Variants in IQSEC1 observed in about 807,000 individuals in gnomAD.
IQSEC1 encodes IQ motif and SEC7 domain-containing protein 1.
A neutral mutation model predicts 91.0 loss-of-function variants in IQSEC1; 31 were observed. The observed-to-expected ratio is 0.34, with a 90% CI of 0.26 to 0.46. IQSEC1 has a LOEUF of 0.46. Among genes scored for constraint, IQSEC1 ranks in the 20% least tolerant of loss-of-function variants. IQSEC1 has a pLI of 1.00. For missense variants in IQSEC1, 1,388 were observed against 1,575.6 expected (o/e 0.88, Z 2.02); for synonymous variants, 699 against 662.6 (o/e 1.05, Z -0.84).
In IQSEC1 at chr3:13,202,122, T is replaced by C. The variant is rs199933514; in HGVS notation, c.273-37989A>G. Among the ~76,000 whole-genome samples the C allele has an allele frequency of 8.5e-5, 13 of 152,316 alleles. No individual in the cohort carries two copies. The East Asian group carries it at 2.1e-3, about 25-fold the overall frequency. The stretch of plus-strand genomic sequence containing the variant: ...AGTCTGTGCTGGCACCTCAGACCCA[T>C]TAGGATGGCTCCTATCAAAAAACAG... On this transcript the variant is annotated intron_variant, in intron 1 of 15. Coordinates refer to the IQSEC1 transcript ENST00000648114.
intron 2 of IQSEC1, among the ~76,000 whole-genome samples, chr3:13,097,857 C>T (rs1418762799): frequency 6.6e-6 from 1 of 152,220 alleles, no homozygotes; most frequent in Non-Finnish European, 1.5e-5. Flanking sequence ...CTGGAGCCTG[C>T]GCCTGTGTGC....
At chr3:13,048,098 T>C (rs920957306) in intron 1 of IQSEC1, among the ~76,000 whole-genome samples, 6 of 152,100 alleles carry the variant, frequency 3.9e-5, no homozygotes, top group African/African-American at 1.4e-4. Flanking sequence ...CCAGCCCAAC[T>C]AGGATCACAT....
rs907804111 is a variant in IQSEC1 at position 13,107,321 on chromosome 3, T to C, written c.302+56783A>G. Among the ~76,000 whole-genome samples, 6 of 152,242 alleles carry C rather than the reference T, an allele frequency of 3.9e-5. No homozygotes were observed. The East Asian group carries it at 1.2e-3, about 29-fold the overall frequency. ...TGAGGTCTAGATCCTCTATAAATTA[T>C]TCAGGCAAGTTAAGGCAGCGGCCAT... On this transcript the variant is annotated intron_variant, in intron 2 of 15. Coordinates refer to the IQSEC1 transcript ENST00000648114.
intron 12 of IQSEC1, among the ~76,000 whole-genome samples, chr3:12,907,416 G>A (rs1695098590): frequency 6.6e-6 from 1 of 152,208 alleles, no homozygotes; most frequent in Admixed American, 6.5e-5. Flanking sequence ...CAGGCTCCTG[G>A]GGCAGACCTG....
rs1693899404 is a variant in IQSEC1, at chr3:12,898,737, ATG to A, written c.*2244_*2245del. Reference sequence around the variant, plus strand: ...AATATGTAATCGCTTTACTTCAACGATGTGTTTACAGTCACGCCAATACATTT... The same window carrying A: ...AATATGTAATCGCTTTACTTCAACGATGTTTACAGTCACGCCAATACATTT... On this transcript the variant is annotated 3_prime_UTR_variant, in exon 14 of 14. Transcript: ENST00000613206. 1.3e-5 allele frequency: 2 copies of A among 152,546 alleles called. No homozygotes were observed. Among genetic ancestry groups the A allele is most frequent in the South Asian group, 2.1e-4 (1 of 4,842 alleles). 9.4% of individuals were successfully genotyped at this position (152,546 alleles called of 1,614,324 possible). A position where few individuals can be genotyped will look rare whatever the true frequency, so the allele number is the denominator to read the frequency against.
At chr3:12,934,584 G>C (rs1232575116) in intron 3 of IQSEC1, among the ~76,000 whole-genome samples, 1 of 152,104 alleles carries the variant, frequency 6.6e-6, no homozygotes, top group East Asian at 1.9e-4. Flanking sequence ...AGGGGAGTTG[G>C]TGCCAGGCCA....
chr3:13,107,408 G>A (rs775308502), intron 2 of IQSEC1, among the ~76,000 whole-genome samples: 6 of 152,236 alleles, frequency 3.9e-5, no homozygotes, highest in South Asian at 2.1e-4. Flanking sequence ...TATACAGCAC[G>A]CAGTGTTAGA....
In IQSEC1 at chr3:13,073,236, G is replaced by T; in HGVS notation, c.-222C>A. 1.7e-6 allele frequency: 1 copy of T among 601,086 alleles called. No homozygotes were observed. The highest frequency in any genetic ancestry group is 2.9e-5 in the East Asian group (1 of 34,930). 37.2% of individuals were successfully genotyped at this position (601,086 alleles called of 1,614,324 possible). ...TGTGGAGGGCCCTGGCACGTAGCGC[G>T]CGCTCACACCGTGCCCAGGAGCGAG... On this transcript the variant is annotated 5_prime_UTR_variant, in exon 1 of 14. Coordinates refer to ENST00000613206, the MANE Select transcript of IQSEC1 (RefSeq NM_001134382.3).
chr3:12,989,649 C>T (rs970387889), intron 1 of IQSEC1, among the ~76,000 whole-genome samples: 2 of 152,208 alleles, frequency 1.3e-5, no homozygotes, highest in Non-Finnish European at 2.9e-5. Context: ...AAAAGGCTGG[C>T]TGGCCCTGGG....
intron 1 of IQSEC1, among the ~76,000 whole-genome samples, chr3:13,059,584 C>A (rs1473702151): frequency 1.3e-5 from 2 of 152,198 alleles, no homozygotes; most frequent in East Asian, 3.9e-4. Flanking sequence ...AATCCAGTCT[C>A]TACAAAAAAA....
intron 3 of IQSEC1, among the ~76,000 whole-genome samples, chr3:12,926,385 A>G (rs538186381): frequency 3.3e-5 from 5 of 151,806 alleles, no homozygotes; most frequent in Non-Finnish European, 5.9e-5. Context: ...ACCCTGAAGG[A>G]TGGGTGTCCT....
At position 12,915,123 on chromosome 3, in the gene IQSEC1, A is replaced by G. The variant is rs1348247532; in HGVS notation, c.2171T>C (p.Leu724Pro). The stretch of plus-strand genomic sequence containing the variant: ...ACTCACACAGCCGAGCCCGGGATGC[A>G]GGGATCCGATCTGCGGGAGAATGTG... Reference protein sequence around the residue: ...LIVGKKPIGSLHPGLGCVLSL... With the variant: ...LIVGKKPIGSPHPGLGCVLSL... The change falls in exon 8 of 14, where the codon CTG becomes CCG. Residue 724 changes from leucine (L) to proline (P), a missense_variant. This residue lies in a region of IQSEC1 where 1,059 missense variants were observed against 1,317.8 expected (regional missense o/e 0.80). Coordinates refer to ENST00000613206, the MANE Select transcript of IQSEC1 (RefSeq NM_001134382.3). 6.2e-7 allele frequency: 1 copy of G among 1,608,988 alleles called. No homozygotes were observed. The highest frequency in any genetic ancestry group is 2.2e-5 in the East Asian group (1 of 44,730).
chr3:13,186,968 C>T (rs58066077), intron 1 of IQSEC1, among the ~76,000 whole-genome samples: 18,583 of 151,704 alleles, frequency 0.12, 1,371 homozygotes, highest in East Asian at 0.3. Context: ...CTCCTTACTT[C>T]CTTCCCTCCC....
chr3:13,270,715 A>G (rs935738563), intron 1 of IQSEC1, among the ~76,000 whole-genome samples: 15 of 152,236 alleles, frequency 9.9e-5, no homozygotes, highest in African/African-American at 3.6e-4. Flanking sequence ...AGAAGGTAGT[A>G]ATGGAGGAAT....
intron 2 of IQSEC1, among the ~76,000 whole-genome samples, chr3:13,150,527 A>G (rs1462616550): frequency 6.6e-6 from 1 of 152,226 alleles, no homozygotes; most frequent in East Asian, 1.9e-4. Flanking sequence ...CCAGCCAGGA[A>G]GGAGACAGCA....
chr3:12,976,152 C>A (rs747918287), intron 1 of IQSEC1, among the ~76,000 whole-genome samples: 5 of 152,262 alleles, frequency 3.3e-5, no homozygotes, highest in African/African-American at 1.2e-4. Flanking sequence ...CTCCCTGAAC[C>A]CCACTCCCAG....
At chr3:13,080,162 A>C (rs1044219568) in intron 2 of IQSEC1, among the ~76,000 whole-genome samples, 5 of 152,206 alleles carry the variant, frequency 3.3e-5, no homozygotes, top group African/African-American at 1.2e-4. Context: ...GAGGAGGGAC[A>C]TGGTGAGGTT....
chr3:12,901,053 C>A lies in IQSEC1; in HGVS notation c.3275G>T (p.Gly1092Val). 1 of 1,542,342 alleles carries A rather than the reference C, an allele frequency of 6.5e-7. No individual in the cohort carries two copies. The highest frequency in any genetic ancestry group is 8.7e-7 in the Non-Finnish European group (1 of 1,146,356). Residue 1092 changes from glycine to valine, a missense_variant, in exon 14 of 14, where the codon GGG becomes GTG. By Grantham distance (109) the Gly-to-Val change is moderately radical. This residue lies in a region of IQSEC1 where 329 missense variants were observed against 257.8 expected (regional missense o/e 1.28). Coordinates refer to ENST00000613206, the MANE Select transcript of IQSEC1 (RefSeq NM_001134382.3). ...GGGGGGCGGCGGGGCAGGGGGCTGC[C>A]CATGGTGGTGCACTGTGTGCCCCAC... Reference protein sequence around the residue: ...AHVGHTVHHHGQPPAPPPPTS... With the variant: ...AHVGHTVHHHVQPPAPPPPTS...
chr3:12,927,369 G>A (rs936621371), intron 3 of IQSEC1, among the ~76,000 whole-genome samples: 3 of 146,416 alleles, frequency 2.0e-5, no homozygotes, highest in South Asian at 2.2e-4. Flanking sequence ...TAGGCTCCCC[G>A]ACCCCTGCTG....
Sources: gnomAD v4.1 joint callset for allele counts (sites outside exome capture counted in the v4.1 genomes callset) on GRCh38, gnomAD v4.1.1 for gene constraint, gnomAD v4.1.1 regional missense constraint, MANE v1.5 for transcripts, NCBI Gene and HGNC (gene_info 2026-07-23, HGNC 2026-07-21) for gene names.